Variants in GALE observed in about 807,000 individuals in gnomAD.
GALE encodes UDP-glucose 4-epimerase.
In GALE, 32 loss-of-function variants were observed where a neutral mutation model predicts 44.1. The observed-to-expected ratio is 0.73, with a 90% CI of 0.55 to 0.97. GALE has a LOEUF of 0.97. Ranked by LOEUF, GALE falls within the 50% of genes least tolerant of loss-of-function variation. The pLI, the probability that GALE is intolerant of heterozygous loss-of-function variation, is 0.00. For missense variants in GALE, 423 were observed against 455.6 expected (o/e 0.93, Z 0.65); for synonymous variants, 182 against 183.5 (o/e 0.99, Z 0.06).
In GALE at chr1:23,796,815, C is replaced by A. The variant is rs1250109175; in HGVS notation, c.710-33G>T. 1 of 1,607,260 alleles carries A rather than the reference C, an allele frequency of 6.2e-7. No homozygotes were observed. On this transcript the variant is annotated intron_variant, in intron 8 of 11. Transcript: ENST00000617979. This position sits in a 1 kb window ranked among gnomAD's most constrained non-coding sequence, Gnocchi z 5.2. ...GAAGGGAGTGTGTTGGATGGGGAGT[C>A]TGTTCCCCCTGACTCTCCTTCCTGG... is the stretch of plus-strand genomic sequence containing the variant.
chr1:23,796,375 G>C lies in GALE; in HGVS notation c.874-110C>G, dbSNP rs1316062672. 1 of 1,428,404 alleles carries C rather than the reference G, an allele frequency of 7.0e-7. No homozygotes were observed. The highest frequency in any genetic ancestry group is 1.4e-5 in the African/African-American group (1 of 71,238). The allele number at this position is 1,428,404 out of a possible 1,614,324, so 88.5% of individuals were successfully genotyped here. A position where few individuals can be genotyped will look rare whatever the true frequency, so the allele number is the denominator to read the frequency against. On this transcript the variant is annotated intron_variant, in intron 10 of 11. Coordinates refer to ENST00000617979, the MANE Select transcript of GALE (RefSeq NM_001008216.2). This position sits in a 1 kb window ranked among gnomAD's most constrained non-coding sequence, Gnocchi z 5.2. ...GCAGCGGCTGGCCCGCAGGCACCGG[G>C]TGCTAGGCAGGCTGAGGAGACTGGG...
At position 23,797,163 on chromosome 1, in the gene GALE, C is replaced by T. The variant is rs769608538; in HGVS notation, c.529-16G>A. 4 of 1,580,054 alleles carry T rather than the reference C, an allele frequency of 2.5e-6. No homozygotes were observed. Among genetic ancestry groups the T allele is most frequent in the Non-Finnish European group, 3.5e-6 (4 of 1,157,144 alleles). ...CGTTCCAAGTCTGTGGGATGTGGGT[C>T]AGGTGGTGAGGCCAGAGGCACAGGC... On this transcript the variant is annotated splice_polypyrimidine_tract_variant and intron_variant, in intron 6 of 11. Transcript: ENST00000617979.
chr1:23,795,984 T>G lies in GALE; in HGVS notation c.1012A>C (p.Lys338Gln). Residue 338 changes from lysine (K) to glutamine (Q), a missense_variant, in exon 12 of 12, where the codon AAG becomes CAG. Physicochemically the swap from Lys to Gln is moderately conservative, Grantham distance 53. Coordinates refer to ENST00000617979, the MANE Select transcript of GALE (RefSeq NM_001008216.2). ...GTGCCAAAGCCTGAAGGATTCTGCTTCTGCCAGCGCCAGAGATCCTCACCT... is the reference window on the plus strand; with the variant it reads ...GTGCCAAAGCCTGAAGGATTCTGCTGCTGCCAGCGCCAGAGATCCTCACCT... ...RMCEDLWRWQ[K>Q]QNPSGFGTQA 6.2e-7 allele frequency: 1 copy of G among 1,614,058 alleles called. No individual in the cohort carries two copies. The highest frequency in any genetic ancestry group is 8.5e-7 in the Non-Finnish European group (1 of 1,179,994).
In GALE at chr1:23,796,472, G is replaced by A. The variant is rs1267717860; in HGVS notation, c.873+37C>T. ...GCTCTGTTGCTGAGAGCTGGGTGGGGTGAGGTGGGTGAGGTGGGTGGGGCG... is the reference window on the plus strand; with the variant it reads ...GCTCTGTTGCTGAGAGCTGGGTGGGATGAGGTGGGTGAGGTGGGTGGGGCG... On this transcript the variant is annotated intron_variant, in intron 10 of 11. Transcript: ENST00000617979. The surrounding 1 kb of genome is among the most constrained non-coding windows in gnomAD (Gnocchi z 5.2). 1 of 1,564,812 alleles carries A rather than the reference G, an allele frequency of 6.4e-7. No homozygotes were observed. Among genetic ancestry groups the A allele is most frequent in the East Asian group, 2.3e-5 (1 of 43,334 alleles).
At position 23,795,715 on chromosome 1, in the gene GALE, CTCTT is replaced by C. The variant is rs1402006282; in HGVS notation, c.*230_*233del. ...TGCCAGAGCCTTGCCCCCTCACTCA[CTCTT>C]GGGGGTCCTGATGAACTCTTGGACC... is the stretch of plus-strand genomic sequence containing the variant. On this transcript the variant is annotated 3_prime_UTR_variant, in exon 12 of 12. Coordinates refer to ENST00000617979, the MANE Select transcript of GALE (RefSeq NM_001008216.2). The C allele has an allele frequency of 1.7e-6, 1 of 601,756 alleles. No homozygotes were observed. The highest frequency in any genetic ancestry group is 1.9e-5 in the African/African-American group (1 of 53,928). 37.3% of individuals were successfully genotyped at this position (601,756 alleles called of 1,614,324 possible).
At position 23,796,595 on chromosome 1, in the gene GALE, C is replaced by G. The variant is rs754399637; in HGVS notation, c.796-9G>C. ...GTGCCCAGGTTGTAGATCTGGCCCA[C>G]GGAGAACAGGGTTTATGGAGCGGGC... On this transcript the variant is annotated splice_polypyrimidine_tract_variant and intron_variant, in intron 9 of 11. Transcript: ENST00000617979. This position sits in a 1 kb window ranked among gnomAD's most constrained non-coding sequence, Gnocchi z 5.2. 1 of 1,614,054 alleles carries G rather than the reference C, an allele frequency of 6.2e-7. No homozygotes were observed. The highest frequency in any genetic ancestry group is 1.1e-5 in the South Asian group (1 of 91,066).
rs1379045669 is a variant in GALE, at chr1:23,796,378, C to T, written c.874-113G>A. ...GCGGCTGGCCCGCAGGCACCGGGTG[C>T]TAGGCAGGCTGAGGAGACTGGGCAG... On this transcript the variant is annotated intron_variant, in intron 10 of 11. Coordinates refer to ENST00000617979, the MANE Select transcript of GALE (RefSeq NM_001008216.2). This position sits in a 1 kb window ranked among gnomAD's most constrained non-coding sequence, Gnocchi z 5.2. The T allele has an allele frequency of 7.0e-7, 1 of 1,426,120 alleles. No homozygotes were observed. The highest frequency in any genetic ancestry group is 2.3e-5 in the East Asian group (1 of 43,360). 88.3% of individuals were successfully genotyped at this position (1,426,120 alleles called of 1,614,324 possible).
At position 23,796,310 on chromosome 1, in the gene GALE, C is replaced by A; in HGVS notation, c.874-45G>T. 1 of 1,572,946 alleles carries A rather than the reference C, an allele frequency of 6.4e-7. No homozygotes were observed. Among genetic ancestry groups the A allele is most frequent in the Non-Finnish European group, 8.8e-7 (1 of 1,142,404 alleles). On this transcript the variant is annotated intron_variant, in intron 10 of 11. Transcript: ENST00000617979. This position sits in a 1 kb window ranked among gnomAD's most constrained non-coding sequence, Gnocchi z 5.2. ...TGGAGCTTAGCTGAGCCGGCCCTGG[C>A]CCAGCTGCTGGCCAGGTCTTTAAGA...
rs965193715 is a variant in GALE at position 23,795,876 on chromosome 1, G to A, written c.*73C>T. On this transcript the variant is annotated 3_prime_UTR_variant, in exon 12 of 12. Transcript: ENST00000617979. ...CTTGGCTTGGCCCCAGCAGCTCCAG[G>A]GCCCTGAGTTCCTGCCAGAGGCTGG... is the stretch of plus-strand genomic sequence containing the variant. 3.4e-6 allele frequency: 5 copies of A among 1,471,972 alleles called. No individual in the cohort carries two copies. Among genetic ancestry groups the A allele is most frequent in the South Asian group, 2.3e-5 (2 of 86,628 alleles). 91.2% of individuals were successfully genotyped at this position (1,471,972 alleles called of 1,614,324 possible). A position where few individuals can be genotyped will look rare whatever the true frequency, so the allele number is the denominator to read the frequency against.
Position 23,796,756 on chromosome 1 carries a change from C to G in GALE, c.736G>C (p.Asp246His). 6.2e-7 allele frequency: 1 copy of G among 1,612,066 alleles called. No individual in the cohort carries two copies. Among genetic ancestry groups the G allele is most frequent in the Non-Finnish European group, 8.5e-7 (1 of 1,179,016 alleles). ...GCTGCAATGTGGCCCTTGGCCAGAT[C>G]CACGACATGGATGTAATCCCGGACA... The part of the protein sequence containing the change: ...TGVRDYIHVV[D>H]LAKGHIAALR... Residue 246 changes from aspartate (D) to histidine (H), a missense_variant, in exon 9 of 12, where the codon GAT (aspartate) becomes CAT (histidine). Transcript: ENST00000617979. This position sits in a 1 kb window ranked among gnomAD's most constrained non-coding sequence, Gnocchi z 5.2.
In GALE at chr1:23,798,086, T is replaced by TAGG. The variant is rs1639018973; in HGVS notation, c.351+30_351+31insCCT. On this transcript the variant is annotated intron_variant, in intron 5 of 11. Transcript: ENST00000617979. The surrounding 1 kb of genome is among the most constrained non-coding windows in gnomAD (Gnocchi z 4.5). ...GCTGGGGTCCAGCTGGACACCCTCCTAGTGTCTGTGCCCTGTCCCATGCCT... is the reference window on the plus strand; with the variant it reads ...GCTGGGGTCCAGCTGGACACCCTCCTAGGAGTGTCTGTGCCCTGTCCCATGCCT... 2 of 1,549,100 alleles carry TAGG rather than the reference T, an allele frequency of 1.3e-6. No homozygotes were observed. Among genetic ancestry groups the TAGG allele is most frequent in the African/African-American group, 2.7e-5 (2 of 73,576 alleles).
In GALE at chr1:23,796,356, G is replaced by T; in HGVS notation, c.874-91C>A. Reference sequence around the variant, plus strand: ...TAAGAAGCAGAAGTGCAGAGCAGCGGCTGGCCCGCAGGCACCGGGTGCTAG... The same window carrying T: ...TAAGAAGCAGAAGTGCAGAGCAGCGTCTGGCCCGCAGGCACCGGGTGCTAG... On this transcript the variant is annotated intron_variant, in intron 10 of 11. Coordinates refer to ENST00000617979, the MANE Select transcript of GALE (RefSeq NM_001008216.2). The surrounding 1 kb of genome is among the most constrained non-coding windows in gnomAD (Gnocchi z 5.2). The T allele has an allele frequency of 6.9e-7, 1 of 1,457,742 alleles. No individual in the cohort carries two copies. The highest frequency in any genetic ancestry group is 9.6e-7 in the Non-Finnish European group (1 of 1,040,446). The allele number at this position is 1,457,742 out of a possible 1,614,324, so 90.3% of individuals were successfully genotyped here.
chr1:23,798,569 G>A lies in GALE; in HGVS notation c.237+46C>T, dbSNP rs978927553. 1.4e-6 allele frequency: 2 copies of A among 1,397,288 alleles called. No homozygotes were observed. Among genetic ancestry groups the A allele is most frequent in the Non-Finnish European group, 2.0e-6 (2 of 984,706 alleles). The allele number at this position is 1,397,288 out of a possible 1,614,324, so 86.6% of individuals were successfully genotyped here. ...GATCTCCTCACCTCGGCCTTCCAAA[G>A]TGCTGGAATTACAGGCGTGAGCCAC... On this transcript the variant is annotated intron_variant, in intron 4 of 11. Coordinates refer to ENST00000617979, the MANE Select transcript of GALE (RefSeq NM_001008216.2). This position sits in a 1 kb window ranked among gnomAD's most constrained non-coding sequence, Gnocchi z 4.5.
chr1:23,797,083 C>T lies in GALE; in HGVS notation c.593G>A (p.Gly198Asp), dbSNP rs1490724116. The T allele has an allele frequency of 1.2e-6, 2 of 1,613,686 alleles. No individual in the cohort carries two copies. ...GTTGGGTATGCCCTGGGGATCCTCA[C>T]CAATGCAGCCAGAGGCATGGGCACC... The part of the protein sequence containing the change: ...PTGAHASGCI[G>D]EDPQGIPNNL... Residue 198 changes from glycine (G) to aspartate (D), a missense_variant, in exon 7 of 12, where the codon GGT becomes GAT. By Grantham distance (94) the Gly-to-Asp change is moderately conservative. Transcript: ENST00000617979.
In GALE at chr1:23,798,386, C is replaced by A. The variant is rs1203379339; in HGVS notation, c.238-156G>T. 4.2e-6 allele frequency: 3 copies of A among 714,118 alleles called. No individual in the cohort carries two copies. The East Asian group carries it at 8.1e-5, about 19-fold the overall frequency. The allele number at this position is 714,118 out of a possible 1,614,324, so 44.2% of individuals were successfully genotyped here. A position where few individuals can be genotyped will look rare whatever the true frequency, so the allele number is the denominator to read the frequency against. On this transcript the variant is annotated intron_variant, in intron 4 of 11. Coordinates refer to ENST00000617979, the MANE Select transcript of GALE (RefSeq NM_001008216.2). This position sits in a 1 kb window ranked among gnomAD's most constrained non-coding sequence, Gnocchi z 4.5. Reference sequence around the variant, plus strand: ...GTGGTGCCATCTCAGCTCACCGCAACCTCCACCTCCCAGGCTCAAGCCATC... The same window carrying A: ...GTGGTGCCATCTCAGCTCACCGCAAACTCCACCTCCCAGGCTCAAGCCATC...
intron 1 of GALE, chr1:23,799,724 G>GCCCCA (rs1042173586): frequency 1.3e-5 from 2 of 153,982 alleles, no homozygotes; most frequent in African/African-American, 4.8e-5. Context: ...CCTGGAGGGG[G>GCCCCA]CCCCACCCCA....
Position 23,798,188 on chromosome 1 carries a change from C to T in GALE, c.280G>A (p.Val94Met), listed in dbSNP as rs121908047. The change falls in exon 5 of 12, where the codon GTG (valine) becomes ATG (methionine). Residue 94 changes from valine (V) to methionine (M), a missense_variant. Physicochemically the swap from Val to Met is conservative, Grantham distance 21 (BLOSUM62 1). Transcript: ENST00000617979. The surrounding 1 kb of genome is among the most constrained non-coding windows in gnomAD (Gnocchi z 4.5). ...AGAGGCTTCTGCACCGACTCGCCCA[C>T]GGCCTTGAGCCCCGCAAAGTGGATG... is the stretch of plus-strand genomic sequence containing the variant. ...AVIHFAGLKA[V>M]GESVQKPLDY... 5.5e-5 allele frequency: 89 copies of T among 1,613,938 alleles called. No homozygotes were observed. Among genetic ancestry groups the T allele is most frequent in the Non-Finnish European group, 6.9e-5 (81 of 1,180,016 alleles).
Position 23,798,604 on chromosome 1 carries a change from C to T in GALE, c.237+11G>A, listed in dbSNP as rs201276934. 494 of 1,596,332 alleles carry T rather than the reference C, an allele frequency of 3.1e-4. 5 individuals carry two copies. The African/African-American group carries it at 6.2e-3, about 20-fold the overall frequency. ...TACAGGCGTGAGCCACCGTGCCCAG[C>T]CTGCACCCACCTTTTTGAAGAGACG... On this transcript the variant is annotated intron_variant, in intron 4 of 11. Transcript: ENST00000617979. The surrounding 1 kb of genome is among the most constrained non-coding windows in gnomAD (Gnocchi z 4.5).
rs1397562072 is a variant in GALE, at chr1:23,798,430, G to A, written c.237+185C>T. The stretch of plus-strand genomic sequence containing the variant: ...AGCCATCCTCCCATGCCAGCCTCCC[G>A]AGTAGCTGGGACCACAGGTATGGGC... On this transcript the variant is annotated intron_variant, in intron 4 of 11. Transcript: ENST00000617979. This position sits in a 1 kb window ranked among gnomAD's most constrained non-coding sequence, Gnocchi z 4.5. 10 of 693,260 alleles carry A rather than the reference G, an allele frequency of 1.4e-5. No homozygotes were observed. The highest frequency in any genetic ancestry group is 2.6e-5 in the Non-Finnish European group (10 of 390,526). 42.9% of individuals were successfully genotyped at this position (693,260 alleles called of 1,614,324 possible).
Sources: allele counts gnomAD v4.1 joint callset, GRCh38; gene constraint gnomAD v4.1.1; non-coding constraint Gnocchi (gnomAD v3.1); transcripts MANE v1.5; gene names NCBI Gene and HGNC (gene_info 2026-07-23, HGNC 2026-07-21).